The following ZNF329 variants were observed in gnomAD, a reference collection of about 807,000 sequenced individuals.
The protein encoded by ZNF329 is zinc finger protein 329.
In ZNF329, 15 loss-of-function variants were observed where a neutral mutation model predicts 26.6. The observed-to-expected ratio is 0.56, with a 90% CI of 0.38 to 0.87. The LOEUF (loss-of-function observed/expected upper bound fraction) is 0.87. Ranked by LOEUF, ZNF329 falls within the 40% of genes least tolerant of loss-of-function variation. ZNF329 has a pLI of 0.00. For missense variants in ZNF329, 651 were observed against 651.9 expected (o/e 1.00, Z 0.02); for synonymous variants, 239 against 233.5 (o/e 1.02, Z -0.21).
rs1415677440 is a variant in ZNF329 at position 58,128,685 on chromosome 19, A to G, written c.819T>C (p.Ala273=). The G allele has an allele frequency of 6.2e-7, 1 of 1,605,556 alleles. No individual in the cohort carries two copies. The highest frequency in any genetic ancestry group is 1.7e-5 in the Admixed American group (1 of 59,006). ...KCGKAFSDGS[A]LTQHQRIHTG... ...TGTGAATTCTCTGGTGCTGTGTCAGAGCTGAGCCATCACTGAAAGCTTTCC... is the reference window on the plus strand; with the variant it reads ...TGTGAATTCTCTGGTGCTGTGTCAGGGCTGAGCCATCACTGAAAGCTTTCC... The change falls in exon 4 of 4, where the codon GCT becomes GCC. Residue 273 remains alanine, a synonymous_variant. Coordinates refer to ENST00000598312, the MANE Select transcript of ZNF329 (RefSeq NM_024620.4).
At chr19:58,142,770 C>T (rs980254456) in intron 2 of ZNF329, 109 bp from the exon 3 acceptor site, 6 of 152,318 alleles carry the variant, frequency 3.9e-5, no homozygotes, top group Admixed American at 1.3e-4. Flanking sequence ...CATGTGATTA[C>T]AAGTGTGATA....
chr19:58,144,160 TTTG>T (rs1476629471), intron 1 of ZNF329, among the ~76,000 whole-genome samples: 12 of 151,976 alleles, frequency 7.9e-5, no homozygotes, highest in African/African-American at 1.7e-4. Context: ...TGTGGGTTTT[TTTG>T]TTGTTGTTAT....
At chr19:58,146,964 G>A (rs963168206) in intron 1 of ZNF329, among the ~76,000 whole-genome samples, 13 of 152,106 alleles carry the variant, frequency 8.5e-5, no homozygotes, top group South Asian at 2.1e-4. Context: ...GCCTCTGCCC[G>A]GCCGCCACCC....
At chr19:58,152,836 G>T (rs986186244), upstream of ZNF329, among the ~76,000 whole-genome samples, 1 of 151,804 alleles carries the variant, frequency 6.6e-6, no homozygotes, top group African/African-American at 2.4e-5. Context: ...CAGCCTGGGT[G>T]ACAGCTATAC....
chr19:58,137,978 CAATA>C (rs201419885), intron 3 of ZNF329, among the ~76,000 whole-genome samples: 2 of 151,844 alleles, frequency 1.3e-5, no homozygotes, highest in South Asian at 4.1e-4. Flanking sequence ...GACCCTGTCT[CAATA>C]AATAAATAAA....
In ZNF329 at chr19:58,129,529, A is replaced by C. The variant is rs758999663; in HGVS notation, c.-8-18T>G. 2 of 1,557,820 alleles carry C rather than the reference A, an allele frequency of 1.3e-6. No homozygotes were observed. The highest frequency in any genetic ancestry group is 4.5e-5 in the East Asian group (2 of 44,428). On this transcript the variant is annotated intron_variant, in intron 3 of 3. Coordinates refer to ENST00000598312, the MANE Select transcript of ZNF329 (RefSeq NM_024620.4). ...ATCCCAAACTGCAAAAAGAAGAAAAATGCAGACTTAGGTATATGAAGCTTT... is the reference window on the plus strand; with the variant it reads ...ATCCCAAACTGCAAAAAGAAGAAAACTGCAGACTTAGGTATATGAAGCTTT...
chr19:58,140,976 T>C (rs911387900), intron 3 of ZNF329, among the ~76,000 whole-genome samples: 2 of 151,316 alleles, frequency 1.3e-5, no homozygotes, highest in African/African-American at 4.9e-5. Context: ...GCTCAAGCGA[T>C]TCTCTTGCCT....
At position 58,127,912 on chromosome 19, in the gene ZNF329, C is replaced by T; in HGVS notation, c.1592G>A (p.Arg531Lys). Reference sequence around the variant, plus strand: ...CATGGGTTGCTCTCCCAGGTGTGCTCTTTGATGTCGAACAAGGGATGAGCT... The same window carrying T: ...CATGGGTTGCTCTCCCAGGTGTGCTTTTTGATGTCGAACAAGGGATGAGCT... ...QKSSSLVRHQRAHLGEQPMET is the reference protein window; with the variant it reads ...QKSSSLVRHQKAHLGEQPMET Residue 531 changes from arginine (R) to lysine (K), a missense_variant, in exon 4 of 4, where the codon AGA becomes AAA. Physicochemically the swap from Arg to Lys is conservative, Grantham distance 26. Coordinates refer to ENST00000598312, the MANE Select transcript of ZNF329 (RefSeq NM_024620.4). 1 of 1,607,810 alleles carries T rather than the reference C, an allele frequency of 6.2e-7. No individual in the cohort carries two copies. The highest frequency in any genetic ancestry group is 1.1e-5 in the South Asian group (1 of 90,154).
chr19:58,154,245 G>C (rs1428163695), upstream of ZNF329, among the ~76,000 whole-genome samples: 1 of 152,120 alleles, frequency 6.6e-6, no homozygotes, highest in South Asian at 2.1e-4. Flanking sequence ...CTGAGCTCAG[G>C]CAATCCGCCC....
At chr19:58,137,876 A>G (rs1399522345) in intron 3 of ZNF329, among the ~76,000 whole-genome samples, 1 of 151,424 alleles carries the variant, frequency 6.6e-6, no homozygotes, top group Non-Finnish European at 1.5e-5. Context: ...CTACTTGGGA[A>G]GCTGAGGTGG....
rs901587600 is a variant in ZNF329 at position 58,141,355 on chromosome 19, G to C, written c.-9+1202C>G. ...GCTGTGTTGCCCAGACTGAAGTGCAGTGGAGCGATCTCAGCTCACTGCAAC... is the reference window on the plus strand; with the variant it reads ...GCTGTGTTGCCCAGACTGAAGTGCACTGGAGCGATCTCAGCTCACTGCAAC... On this transcript the variant is annotated intron_variant, in intron 3 of 3. Transcript: ENST00000598312. 4.6e-5 allele frequency among the ~76,000 whole-genome samples: 7 copies of C among 151,908 alleles called. No homozygotes were observed. The South Asian group carries it at 1.5e-3, about 31-fold the overall frequency.
chr19:58,141,604 G>A (rs1463050854), intron 3 of ZNF329, among the ~76,000 whole-genome samples: 1 of 152,036 alleles, frequency 6.6e-6, no homozygotes, highest in Non-Finnish European at 1.5e-5. Context: ...CTGGCCTAAT[G>A]CTCTTGGCCA....
intron 3 of ZNF329, among the ~76,000 whole-genome samples, chr19:58,139,683 A>G (rs116756489): frequency 0.015 from 2,348 of 152,270 alleles, 50 homozygotes; most frequent in African/African-American, 0.052. Context: ...ATCAACATAC[A>G]AATTTTGAGG....
intron 1 of ZNF329, among the ~76,000 whole-genome samples, chr19:58,144,482 G>C (rs1277298137): frequency 6.6e-6 from 1 of 151,604 alleles, no homozygotes; most frequent in Non-Finnish European, 1.5e-5. Context: ...CCGCTTCCTG[G>C]GTTCAAGTGA....
upstream of ZNF329, among the ~76,000 whole-genome samples, chr19:58,152,189 C>T (rs1287687506): frequency 6.6e-6 from 1 of 152,142 alleles, no homozygotes; most frequent in Non-Finnish European, 1.5e-5. Context: ...TCAGAACACA[C>T]TGACATATTA....
intron 1 of ZNF329, among the ~76,000 whole-genome samples, chr19:58,148,595 G>A (rs1174083836): frequency 6.6e-6 from 1 of 152,034 alleles, no homozygotes; most frequent in Non-Finnish European, 1.5e-5. Flanking sequence ...GCTCACACCT[G>A]TAATCCCACC....
At chr19:58,154,756 G>A (rs774206790), upstream of ZNF329, 1 of 151,496 alleles carries the variant, frequency 6.6e-6, no homozygotes, top group Non-Finnish European at 1.5e-5. Flanking sequence ...TCCGGGGAAC[G>A]GCTCGGGCGG....
intron 3 of ZNF329, among the ~76,000 whole-genome samples, chr19:58,141,240 C>G (rs563013541): frequency 6.6e-6 from 1 of 152,142 alleles, no homozygotes; most frequent in South Asian, 2.1e-4. Context: ...AAGCAATCCT[C>G]CCACCTCAGC....
At chr19:58,133,547 C>T (rs2074996215) in intron 3 of ZNF329, among the ~76,000 whole-genome samples, 1 of 151,194 alleles carries the variant, frequency 6.6e-6, no homozygotes. Context: ...TGATTCACTC[C>T]AGCCTGGACA....
Sources: gnomAD v4.1 joint callset for allele counts (sites outside exome capture counted in the v4.1 genomes callset) on GRCh38, gnomAD v4.1.1 for gene constraint, MANE v1.5 for transcripts, NCBI Gene and HGNC (gene_info 2026-07-23, HGNC 2026-07-21) for gene names.